GLIS3: variants seen among roughly 807,000 people sequenced by gnomAD.
GLIS3 encodes the protein zinc finger protein GLIS3.
GLIS3 carries 53 observed loss-of-function variants against 78.6 expected under a neutral mutation model. The ratio of observed to expected loss-of-function variants is 0.67; its 90% CI spans 0.54 to 0.85. The LOEUF is 0.85. Among genes scored for constraint, GLIS3 ranks in the 40% least tolerant of loss-of-function variants. The probability of loss-of-function intolerance (pLI) is 0.00; values close to 1 mark genes in which losing one functional copy is unlikely to be tolerated. For synonymous variants in GLIS3, 684 were observed against 509.9 expected, an observed-to-expected ratio of 1.34 and a Z score of -4.60; for missense variants, 1,703 against 1,231.1, an observed-to-expected ratio of 1.38 and a Z score of -5.74.
intron 4 of GLIS3, among the ~76,000 whole-genome samples, chr9:4,069,211 T>G (rs1209208561): frequency 6.6e-6 from 1 of 152,014 alleles, no homozygotes; most frequent in African/African-American, 2.4e-5. Flanking sequence ...AACTTTATGG[T>G]TGGGGGAATT....
intron 4 of GLIS3, among the ~76,000 whole-genome samples, chr9:3,976,853 G>A (rs888022019): frequency 1.0e-3 from 70 of 70,170 alleles, no homozygotes; most frequent in Middle Eastern, 8.6e-3. Context: ...ATCCACAATC[G>A]GATGACATCT....
intron 4 of GLIS3, among the ~76,000 whole-genome samples, chr9:4,009,585 G>C (rs376531749): frequency 2.0e-5 from 3 of 152,228 alleles, no homozygotes; most frequent in African/African-American, 7.2e-5. Flanking sequence ...TTGGGGCCAT[G>C]GTTAGAGCCA....
Position 4,238,053 on chromosome 9 carries a change from G to C in GLIS3, c.388+47985C>G, listed in dbSNP as rs77136531. On this transcript the variant is annotated intron_variant, in intron 2 of 10. Transcript: ENST00000381971. ...CAGAAATTTTCCTCAGGAATTTCCTGTTGCCACCCTGTCCTGCTTCTATAC... is the reference window on the plus strand; with the variant it reads ...CAGAAATTTTCCTCAGGAATTTCCTCTTGCCACCCTGTCCTGCTTCTATAC... Among the ~76,000 whole-genome samples the C allele has an allele frequency of 6.4e-3, 982 of 152,250 alleles. 9 individuals carry two copies. The highest frequency in any genetic ancestry group is 0.022 in the African/African-American group (930 of 41,542).
chr9:4,123,814 G>T (rs901250066), intron 3 of GLIS3: 1 of 398,276 alleles, frequency 2.5e-6, no homozygotes, highest in Middle Eastern at 6.3e-4. Context: ...GTCATTTAGT[G>T]CTTGGTACTT....
the GLIS3 span, among the ~76,000 whole-genome samples, chr9:4,359,727 T>G: frequency 6.6e-6 from 1 of 152,124 alleles, no homozygotes; most frequent in African/African-American, 2.4e-5. Context: ...TAAACAGACA[T>G]TGATTTCTGC....
the GLIS3 span, among the ~76,000 whole-genome samples, chr9:4,414,672 C>A: frequency 2.6e-5 from 4 of 152,122 alleles, no homozygotes; most frequent in Non-Finnish European, 5.9e-5. Flanking sequence ...GGTTGCTCAA[C>A]CACCTCCTCC....
At chr9:4,382,607 C>G in the GLIS3 span, among the ~76,000 whole-genome samples, 1 of 152,096 alleles carries the variant, frequency 6.6e-6, no homozygotes, top group Non-Finnish European at 1.5e-5. Context: ...ACTCCCCAAA[C>G]CTGAGTGATC....
intron 4 of GLIS3, chr9:4,081,110 A>G (rs1011856727): frequency 1.3e-5 from 2 of 152,226 alleles, no homozygotes; most frequent in Non-Finnish European, 2.9e-5. Context: ...TAGGTTACAC[A>G]ATGAGCTTCA....
the GLIS3 span, among the ~76,000 whole-genome samples, chr9:4,426,979 A>G: frequency 6.6e-6 from 1 of 152,230 alleles, no homozygotes; most frequent in Non-Finnish European, 1.5e-5. Context: ...ATGAGGACAG[A>G]GAGTAGAGCC....
At chr9:4,287,417 T>C (rs1273435654) in intron 1 of GLIS3, among the ~76,000 whole-genome samples, 1 of 152,230 alleles carries the variant, frequency 6.6e-6, no homozygotes, top group Non-Finnish European at 1.5e-5. Flanking sequence ...ACCCACGTGA[T>C]GATGCCGGGT....
intron 9 of GLIS3, among the ~76,000 whole-genome samples, chr9:3,850,968 G>T (rs1445313241): frequency 6.6e-6 from 1 of 152,188 alleles, no homozygotes; most frequent in Non-Finnish European, 1.5e-5. Flanking sequence ...TAAATCAGGT[G>T]CCTTTTGCAC....
At chr9:4,315,168 G>A (rs550778388) in intron 2 of GLIS3, among the ~76,000 whole-genome samples, 1 of 152,272 alleles carries the variant, frequency 6.6e-6, no homozygotes, top group African/African-American at 2.4e-5. Flanking sequence ...TTTGGGAAGT[G>A]GCCTTTCTCA....
intron 2 of GLIS3, among the ~76,000 whole-genome samples, chr9:4,171,556 T>C (rs1406797829): frequency 6.6e-6 from 1 of 152,232 alleles, no homozygotes; most frequent in African/African-American, 2.4e-5. Flanking sequence ...AGATTCTTGC[T>C]GGTTGATTTC....
At chr9:4,053,687 A>G (rs1825906532) in intron 4 of GLIS3, among the ~76,000 whole-genome samples, 1 of 93,868 alleles carries the variant, frequency 1.1e-5, no homozygotes, top group Admixed American at 1.3e-4. Context: ...CTCAGTGCCT[A>G]CTTGTTTTCT....
At chr9:4,374,529 C>T in the GLIS3 span, among the ~76,000 whole-genome samples, 51 of 152,252 alleles carry the variant, frequency 3.3e-4, no homozygotes, top group Non-Finnish European at 5.9e-4. Flanking sequence ...GCCCTTAAGC[C>T]TGTCCAGGCA....
chr9:4,481,512 ATAAG>A, the GLIS3 span, among the ~76,000 whole-genome samples: 1 of 112,752 alleles, frequency 8.9e-6, no homozygotes, highest in African/African-American at 4.1e-5. Context: ...AATTAAAAAC[ATAAG>A]TGTGTGTGTG....
the GLIS3 span, among the ~76,000 whole-genome samples, chr9:4,448,498 T>A: frequency 8.9e-3 from 1,361 of 152,316 alleles, 8 homozygotes; most frequent in Non-Finnish European, 0.015. Flanking sequence ...CTTTAAGTGA[T>A]CTCCCCACTT....
chr9:4,278,018 C>T (rs146165261), intron 2 of GLIS3, among the ~76,000 whole-genome samples: 85 of 152,296 alleles, frequency 5.6e-4, no homozygotes, highest in African/African-American at 2.0e-3. Flanking sequence ...TAAAAATTTA[C>T]ATGTAGTAAG....
At chr9:4,426,045 T>G in the GLIS3 span, among the ~76,000 whole-genome samples, 1 of 152,132 alleles carries the variant, frequency 6.6e-6, no homozygotes, top group African/African-American at 2.4e-5. Context: ...ACACATACGT[T>G]CATGCAATGC....
Sources: gnomAD v4.1 joint callset for allele counts (sites outside exome capture counted in the v4.1 genomes callset) on GRCh38, gnomAD v4.1.1 for gene constraint, MANE v1.5 for transcripts, NCBI Gene and HGNC (gene_info 2026-07-23, HGNC 2026-07-21) for gene names.